OGA: variants seen among roughly 807,000 people sequenced by gnomAD.
OGA encodes O-GlcNAcase.
In OGA, 21 loss-of-function variants were observed where a neutral mutation model predicts 102.0. The observed-to-expected ratio is 0.21, with a 90% CI of 0.15 to 0.30. The LOEUF is 0.30. Among genes scored for constraint, OGA ranks in the 10% least tolerant of loss-of-function variants. The pLI is 1.00. For missense variants in OGA, 765 were observed against 1,107.8 expected (o/e 0.69, Z 4.39); for synonymous variants, 408 against 378.2 (o/e 1.08, Z -0.91).
In OGA at chr10:101,785,077, C is replaced by T. The variant is rs981232949; in HGVS notation, c.*1374G>A. ...GTTTCTTTCTCTTTACCCCTCTCCC[C>T]TCACTCAGCTCAAAGTTAAACAGCT... On this transcript the variant is annotated 3_prime_UTR_variant, in exon 16 of 16. Transcript: ENST00000361464. 6.6e-6 allele frequency: 1 copy of T among 152,184 alleles called. No individual in the cohort carries two copies. Among genetic ancestry groups the T allele is most frequent in the Non-Finnish European group, 1.5e-5 (1 of 68,036 alleles). 9.4% of individuals were successfully genotyped at this position (152,184 alleles called of 1,614,324 possible).
chr10:101,811,370 C>T (rs775250863), intron 3 of OGA, among the ~76,000 whole-genome samples: 54 of 120,060 alleles, frequency 4.5e-4, no homozygotes, highest in Non-Finnish European at 7.9e-4. Flanking sequence ...GTCTGGACGA[C>T]ACAGCAAGAC....
At chr10:101,813,365 T>C (rs554180742) in intron 2 of OGA, among the ~76,000 whole-genome samples, 190 bp downstream of exon 2, 2 of 152,316 alleles carry the variant, frequency 1.3e-5, no homozygotes, top group South Asian at 4.1e-4. Flanking sequence ...CCAAAACTTA[T>C]TCAGCTCCCC....
intron 3 of OGA, chr10:101,812,766 C>T (rs2065575164): frequency 3.7e-6 from 2 of 546,952 alleles, no homozygotes; most frequent in African/African-American, 3.8e-5. Flanking sequence ...GTTTAATCCA[C>T]TGGCAGAAGT....
At chr10:101,792,670 T>G in intron 12 of OGA, 169 bp downstream of exon 12, 1 of 535,554 alleles carries the variant, frequency 1.9e-6, no homozygotes, top group Non-Finnish European at 3.3e-6. Flanking sequence ...ATGTTAAAAG[T>G]CTAAACTCCT....
At chr10:101,802,853 A>T (rs1175108938) in intron 7 of OGA, among the ~76,000 whole-genome samples, 1 of 151,026 alleles carries the variant, frequency 6.6e-6, no homozygotes, top group Non-Finnish European at 1.5e-5. Flanking sequence ...ACTGTATTCC[A>T]TTCGGCCAGG....
chr10:101,813,163 G>C, intron 2 of OGA, 36 bp from the exon 3 acceptor site: 1 of 1,355,364 alleles, frequency 7.4e-7, no homozygotes, highest in Non-Finnish European at 1.0e-6. Context: ...GTATAAACAG[G>C]CAACATTCAT....
At chr10:101,803,222 G>A (rs1488167424) in intron 7 of OGA, among the ~76,000 whole-genome samples, 2 of 151,556 alleles carry the variant, frequency 1.3e-5, no homozygotes, top group Admixed American at 6.6e-5. Flanking sequence ...AGAGTATCTA[G>A]TTATCTAAAA....
intron 14 of OGA, among the ~76,000 whole-genome samples, chr10:101,790,120 G>A (rs1480966010): frequency 7.2e-5 from 11 of 152,140 alleles, no homozygotes; most frequent in Admixed American, 7.2e-4. Flanking sequence ...CTATCACAAA[G>A]TAGACTCTCA....
At chr10:101,787,203 C>T (rs1404436192) in intron 15 of OGA, among the ~76,000 whole-genome samples, 161 bp downstream of exon 15, 1 of 152,200 alleles carries the variant, frequency 6.6e-6, no homozygotes, top group Non-Finnish European at 1.5e-5. Context: ...ATTATTAATA[C>T]ACATGCGATT....
chr10:101,790,956 G>A lies in OGA; in HGVS notation c.2394C>T (p.Ile798=), dbSNP rs572805151. ...TGGTATACTTCTCCTGCATGAAGGG[G>A]ATCCAGGAAATTTTACATTTTTTAA... The part of the protein sequence containing the change: ...PFIKKCKISW[I]PFMQEKYTKP... The change falls in exon 14 of 16, where the codon ATC becomes ATT. Residue 798 remains isoleucine (I), a synonymous_variant. Transcript: ENST00000361464. The A allele has an allele frequency of 4.5e-5, 73 of 1,613,516 alleles. No homozygotes were observed. In the South Asian group the frequency reaches 7.6e-4, roughly 17 times the overall value.
In OGA at chr10:101,813,596, TC is replaced by T; in HGVS notation, c.209del (p.Gly70GlufsTer21). On this transcript the variant is annotated frameshift_variant, in exon 2 of 16. Coordinates refer to ENST00000361464, the MANE Select transcript of OGA (RefSeq NM_012215.5). LOFTEE classifies it high-confidence loss of function. ...FLCGVVEGFY[G>X]RPWVMEQRKE... The stretch of plus-strand genomic sequence containing the variant: ...TTCTCTGTTCCATAACCCAAGGTCT[TC>T]CATAAAATCCTAGATTCAAAGTAAG... 1 of 1,554,576 alleles carries T rather than the reference TC, an allele frequency of 6.4e-7. No homozygotes were observed. The highest frequency in any genetic ancestry group is 8.8e-7 in the Non-Finnish European group (1 of 1,134,218).
chr10:101,817,691 T>C, intron 1 of OGA, 133 bp downstream of exon 1: 3 of 1,030,012 alleles, frequency 2.9e-6, no homozygotes, highest in Non-Finnish European at 4.1e-6. Flanking sequence ...GTCTCTCCCC[T>C]CGCTTTAGGA....
chr10:101,810,215 T>C lies in OGA; in HGVS notation c.449A>G (p.Glu150Gly). ...CAATTTACGTTTCAATGTGGATACT[T>C]CCTTGGGGTTAGAAAAAGTGATATC... Reference protein sequence around the residue: ...GLDITFSNPKEVSTLKRKLDQ... With the variant: ...GLDITFSNPKGVSTLKRKLDQ... The change falls in exon 4 of 16, where the codon GAA (glutamate) becomes GGA (glycine). Residue 150 changes from glutamate to glycine, a missense_variant. Glu to Gly is a moderately conservative substitution (Grantham distance 98). Coordinates refer to ENST00000361464, the MANE Select transcript of OGA (RefSeq NM_012215.5). 6.2e-7 allele frequency: 1 copy of C among 1,612,908 alleles called. No individual in the cohort carries two copies. Among genetic ancestry groups the C allele is most frequent in the Non-Finnish European group, 8.5e-7 (1 of 1,179,178 alleles).
chr10:101,801,394 GAA>G (rs769953883), intron 7 of OGA, among the ~76,000 whole-genome samples: 4 of 81,018 alleles, frequency 4.9e-5, no homozygotes, highest in Non-Finnish European at 7.7e-5. Context: ...CTCCGTCTCA[GAA>G]AAAAAAAAAA....
rs869235919 is a variant in OGA at position 101,790,265 on chromosome 10, G to GTTTT, written c.2454+627_2454+630dup. On this transcript the variant is annotated intron_variant, in intron 14 of 15. Coordinates refer to ENST00000361464, the MANE Select transcript of OGA (RefSeq NM_012215.5). ...CTCAACAAAACGACCATAATATCTT[G>GTTTT]TTTTTTTTTTTTTTTTTTTTTTTTT... Among the ~76,000 whole-genome samples, 47 of 86,422 alleles carry GTTTT rather than the reference G, an allele frequency of 5.4e-4. 1 individual carries two copies. The highest frequency in any genetic ancestry group is 2.3e-3 in the South Asian group (5 of 2,132). 56.7% of individuals were successfully genotyped at this position (86,422 alleles called of 152,430 possible). A position where few individuals can be genotyped will look rare whatever the true frequency, so the allele number is the denominator to read the frequency against.
At position 101,806,159 on chromosome 10, in the gene OGA, A is replaced by C. The variant is rs1312627975; in HGVS notation, c.653-16T>G. 8 of 1,458,110 alleles carry C rather than the reference A, an allele frequency of 5.5e-6. No homozygotes were observed. The highest frequency in any genetic ancestry group is 6.7e-6 in the Non-Finnish European group (7 of 1,040,174). The allele number at this position is 1,458,110 out of a possible 1,614,324, so 90.3% of individuals were successfully genotyped here. A position where few individuals can be genotyped will look rare whatever the true frequency, so the allele number is the denominator to read the frequency against. Reference sequence around the variant, plus strand: ...CCACAGTATTCTAAATGTAGGGAGAAAAGTAAAAAAGTCAGAATTAAAATG... The same window carrying C: ...CCACAGTATTCTAAATGTAGGGAGACAAGTAAAAAAGTCAGAATTAAAATG... On this transcript the variant is annotated splice_polypyrimidine_tract_variant and intron_variant, in intron 5 of 15. Transcript: ENST00000361464.
In OGA at chr10:101,791,466, A is replaced by C. The variant is rs768946293; in HGVS notation, c.2176-27T>G. Reference sequence around the variant, plus strand: ...TGAAAATATAATCTAGTTAAGCAACACATCAAGAAAAATGGCAGCAGAATC... The same window carrying C: ...TGAAAATATAATCTAGTTAAGCAACCCATCAAGAAAAATGGCAGCAGAATC... On this transcript the variant is annotated intron_variant, in intron 12 of 15. Coordinates refer to ENST00000361464, the MANE Select transcript of OGA (RefSeq NM_012215.5). 5 of 1,583,704 alleles carry C rather than the reference A, an allele frequency of 3.2e-6. No individual in the cohort carries two copies. In the South Asian group the frequency reaches 5.5e-5, roughly 18 times the overall value.
In OGA at chr10:101,817,844, A is replaced by T; in HGVS notation, c.179T>A (p.Phe60Tyr). ...CTCACCTTCCACCACACCGCAGAGG[A>T]ACCGCCGAGCCCCTCCTGCAGCCCC... ...VAGAAGGARRFLCGVVEGFYG... is the reference protein window; with the variant it reads ...VAGAAGGARRYLCGVVEGFYG... Residue 60 changes from phenylalanine (F) to tyrosine (Y), a missense_variant, in exon 1 of 16, where the codon TTC becomes TAC. By Grantham distance (22) the Phe-to-Tyr change is conservative. Coordinates refer to ENST00000361464, the MANE Select transcript of OGA (RefSeq NM_012215.5). 6.5e-7 allele frequency: 1 copy of T among 1,540,188 alleles called. No homozygotes were observed. Among genetic ancestry groups the T allele is most frequent in the South Asian group, 1.2e-5 (1 of 84,280 alleles).
intron 1 of OGA, 152 bp downstream of exon 1, chr10:101,817,672 C>T (rs1030438074): frequency 2.2e-6 from 2 of 891,370 alleles, no homozygotes; most frequent in Non-Finnish European, 3.3e-6. Context: ...GAGATTCGCC[C>T]AACATCTCGT....
Sources: allele counts gnomAD v4.1 joint callset (sites outside exome capture counted in the v4.1 genomes callset), GRCh38; gene constraint gnomAD v4.1.1; transcripts MANE v1.5; gene names NCBI Gene and HGNC (gene_info 2026-07-23, HGNC 2026-07-21).